The following ANKRD28 variants were observed in gnomAD, a reference collection of about 807,000 sequenced individuals.
ANKRD28 encodes serine/threonine-protein phosphatase 6 regulatory ankyrin repeat subunit A.
ANKRD28 carries 44 observed loss-of-function variants against 126.5 expected under a neutral mutation model. The ratio of observed to expected loss-of-function variants is 0.35; its 90% CI spans 0.27 to 0.45. The LOEUF is 0.45. Among genes scored for constraint, ANKRD28 ranks in the 20% least tolerant of loss-of-function variants. ANKRD28 has a pLI of 1.00. For synonymous variants in ANKRD28, 442 were observed against 468.5 expected (o/e 0.94, Z 0.73); for missense variants, 1,110 against 1,316.6 (o/e 0.84, Z 2.43).
intron 1 of ANKRD28, among the ~76,000 whole-genome samples, chr3:15,851,592 A>T (rs1045081559): frequency 2.0e-5 from 3 of 151,326 alleles, no homozygotes; most frequent in African/African-American, 4.9e-5. Context: ...AATAAATAAA[A>T]GAGATACAAC....
In ANKRD28 at chr3:15,711,330, T is replaced by A. The variant is rs934194279; in HGVS notation, c.1274-56A>T. ...AGACATATTATTTTACACTAAAGAA[T>A]TGTGTCATGAAACATCAAGAATCAC... On this transcript the variant is annotated intron_variant, in intron 11 of 27. Coordinates refer to ENST00000683139, the MANE Select transcript of ANKRD28 (RefSeq NM_001349278.2). The A allele has an allele frequency of 2.1e-6, 3 of 1,422,074 alleles. No homozygotes were observed. In the East Asian group the frequency reaches 6.9e-5, roughly 33 times the overall value. The allele number at this position is 1,422,074 out of a possible 1,614,324, so 88.1% of individuals were successfully genotyped here.
chr3:15,797,364 TCC>T lies in ANKRD28; in HGVS notation c.-845_-844del. ...ATAGAAGAAACACAGTTAGCTTTAT[TCC>T]CATCGATAGCATAAGCAAGGCAGAG... On this transcript the variant is annotated 5_prime_UTR_variant, in exon 1 of 28. It introduces an in-frame stop codon into an upstream open reading frame of the 5' UTR. Coordinates refer to ENST00000683139, the MANE Select transcript of ANKRD28 (RefSeq NM_001349278.2). The T allele has an allele frequency of 1.0e-6, 1 of 985,374 alleles. No individual in the cohort carries two copies. Among genetic ancestry groups the T allele is most frequent in the Non-Finnish European group, 1.2e-6 (1 of 829,928 alleles). The allele number at this position is 985,374 out of a possible 1,614,324, so 61.0% of individuals were successfully genotyped here. A position where few individuals can be genotyped will look rare whatever the true frequency, so the allele number is the denominator to read the frequency against.
intron 21 of ANKRD28, 49 bp downstream of exon 21, chr3:15,685,177 T>C (rs1211193998): frequency 1.3e-6 from 2 of 1,585,100 alleles, no homozygotes; most frequent in East Asian, 2.2e-5. Context: ...GTCATTCTTT[T>C]ATCTCTGTTC....
intron 14 of ANKRD28, among the ~76,000 whole-genome samples, chr3:15,701,332 G>A (rs2070571470): frequency 6.6e-6 from 1 of 152,054 alleles, no homozygotes; most frequent in Admixed American, 6.5e-5. Flanking sequence ...AAAATTCTTT[G>A]GAGTCAAGCA....
chr3:15,689,543 T>C (rs1042113186), intron 18 of ANKRD28, among the ~76,000 whole-genome samples: 1 of 152,240 alleles, frequency 6.6e-6, no homozygotes, highest in African/African-American at 2.4e-5. Context: ...TTACATCTTT[T>C]GTGCAGAGGA....
chr3:15,745,575 T>C (rs894302774), intron 4 of ANKRD28, among the ~76,000 whole-genome samples: 7 of 152,208 alleles, frequency 4.6e-5, no homozygotes, highest in Non-Finnish European at 8.8e-5. Flanking sequence ...TATATATCTA[T>C]TTTTATACCA....
At chr3:15,758,877 A>AC (rs2058308146) in intron 3 of ANKRD28, among the ~76,000 whole-genome samples, 2 of 152,220 alleles carry the variant, frequency 1.3e-5, no homozygotes, top group African/African-American at 4.8e-5. Flanking sequence ...GGTGTTTTCT[A>AC]GTAAGGAGAG....
exon 1 of ANKRD28, chr3:15,859,398 C>T (rs1300100464): frequency 3.3e-6 from 5 of 1,528,478 alleles, no homozygotes; most frequent in Non-Finnish European, 4.4e-6. Flanking sequence ...GTTTGAGGAA[C>T]GCCATGGCGG....
intron 4 of ANKRD28, among the ~76,000 whole-genome samples, chr3:15,746,550 C>T (rs532806242): frequency 6.0e-4 from 92 of 152,244 alleles, no homozygotes; most frequent in South Asian, 2.3e-3. Flanking sequence ...TCCATGCACC[C>T]CTGGTATGAA....
In ANKRD28 at chr3:15,682,719, A is replaced by G. The variant is rs899232276; in HGVS notation, c.2389+2507T>C. Among the ~76,000 whole-genome samples, 3 of 152,192 alleles carry G rather than the reference A, an allele frequency of 2.0e-5. No individual in the cohort carries two copies. The East Asian group carries it at 5.8e-4, about 29-fold the overall frequency. On this transcript the variant is annotated intron_variant, in intron 21 of 27. Transcript: ENST00000683139. ...CTTCCACTTTTCTTTCCAGCTGTAC[A>G]ATAATTACTAGTTAAAGTAAAAACC...
upstream of ANKRD28, among the ~76,000 whole-genome samples, chr3:15,800,242 A>C (rs757859310): frequency 1.2e-4 from 18 of 152,138 alleles, no homozygotes; most frequent in Non-Finnish European, 2.4e-4. Flanking sequence ...TAAGAGAAAT[A>C]GAGTAACAGT....
At chr3:15,689,756 C>CT (rs1395775656) in intron 18 of ANKRD28, 2 of 303,584 alleles carry the variant, frequency 6.6e-6, no homozygotes, top group Non-Finnish European at 1.2e-5. Context: ...ATTTTTTGTG[C>CT]TTGGTTTACT....
intron 2 of ANKRD28, among the ~76,000 whole-genome samples, chr3:15,779,136 T>G (rs889921178): frequency 2.0e-5 from 3 of 152,168 alleles, no homozygotes; most frequent in African/African-American, 7.2e-5. Context: ...CCTATCATGC[T>G]TACAATACCA....
At chr3:15,777,514 C>A (rs1343963506) in intron 2 of ANKRD28, among the ~76,000 whole-genome samples, 2 of 152,058 alleles carry the variant, frequency 1.3e-5, no homozygotes, top group Non-Finnish European at 2.9e-5. Context: ...ATCTTCCAAA[C>A]CAATGATGAA....
chr3:15,724,777 G>C (rs570481739), intron 6 of ANKRD28, among the ~76,000 whole-genome samples: 55 of 152,144 alleles, frequency 3.6e-4, no homozygotes, highest in Non-Finnish European at 6.6e-4. Flanking sequence ...CCAGGAATTT[G>C]AGACCAGCCT....
intron 21 of ANKRD28, chr3:15,684,493 G>C (rs760145890): frequency 6.6e-6 from 1 of 152,086 alleles, no homozygotes; most frequent in East Asian, 1.9e-4. Flanking sequence ...CTTGCAATGT[G>C]CTCAGAAAAC....
chr3:15,810,793 G>T (rs1217556720), intron 1 of ANKRD28, among the ~76,000 whole-genome samples: 2 of 151,334 alleles, frequency 1.3e-5, no homozygotes, highest in African/African-American at 4.9e-5. Context: ...GAAAAATAAG[G>T]CCTAGAGTGG....
chr3:15,785,673 T>G (rs2059746376), intron 2 of ANKRD28, among the ~76,000 whole-genome samples: 1 of 151,978 alleles, frequency 6.6e-6, no homozygotes, highest in Admixed American at 6.6e-5. Flanking sequence ...AAACATACTC[T>G]TACCTTATGA....
chr3:15,672,347 C>G (rs998946544), intron 27 of ANKRD28, among the ~76,000 whole-genome samples: 6 of 151,804 alleles, frequency 4.0e-5, no homozygotes, highest in Non-Finnish European at 8.8e-5. Flanking sequence ...TCGCTTTGTT[C>G]CCCAGGCTGG....
Sources: gnomAD v4.1 joint callset for allele counts (sites outside exome capture counted in the v4.1 genomes callset) on GRCh38, gnomAD v4.1.1 for gene constraint, MANE v1.5 for transcripts, NCBI Gene and HGNC (gene_info 2026-07-23, HGNC 2026-07-21) for gene names.